MAP3K13: variants seen among roughly 807,000 people sequenced by gnomAD.
MAP3K13 encodes the protein leucine zipper-bearing kinase.
In MAP3K13, 52 loss-of-function variants were observed where a neutral mutation model predicts 104.0. The ratio of observed to expected loss-of-function variants is 0.50; its 90% CI spans 0.40 to 0.63. The LOEUF is 0.63. Ranked by LOEUF, MAP3K13 falls within the 20% of genes least tolerant of loss-of-function variation. The pLI, the probability that MAP3K13 is intolerant of heterozygous loss-of-function variation, is 0.00. For missense variants in MAP3K13, 914 were observed against 1,218.5 expected (o/e 0.75, Z 3.72); for synonymous variants, 394 against 442.2 (o/e 0.89, Z 1.37).
chr3:185,352,036 ATCAC>A (rs756594361), intron 2 of MAP3K13, among the ~76,000 whole-genome samples: 2 of 152,210 alleles, frequency 1.3e-5, no homozygotes, highest in East Asian at 1.9e-4. Flanking sequence ...AGTTGCAAAC[ATCAC>A]TCACTCACTC....
chr3:185,477,373 A>G lies in MAP3K13; in HGVS notation c.2478A>G (p.Glu826=). ...SEEEEGEVDS[E]VEFPRRQRPH... is the part of the protein sequence containing the mutation. ...AGGAAGAAGGGGAAGTAGATAGTGA[A>G]GTTGAATTTCCACGAAGACAGAGGT... The change falls in exon 12 of 14, where the codon GAA becomes GAG. Residue 826 remains glutamate (E), a synonymous_variant. Transcript: ENST00000265026. 6.2e-7 allele frequency: 1 copy of G among 1,613,072 alleles called. No individual in the cohort carries two copies. The highest frequency in any genetic ancestry group is 8.5e-7 in the Non-Finnish European group (1 of 1,179,010).
intron 4 of MAP3K13, among the ~76,000 whole-genome samples, chr3:185,444,000 T>G (rs1441093048): frequency 2.0e-5 from 3 of 152,206 alleles, no homozygotes; most frequent in Admixed American, 2.0e-4. Flanking sequence ...CTTTTTAAAC[T>G]GAGTTTCAGA....
intron 1 of MAP3K13, among the ~76,000 whole-genome samples, chr3:185,427,305 A>G (rs953105214): frequency 2.0e-5 from 3 of 151,384 alleles, no homozygotes; most frequent in Admixed American, 6.6e-5. Context: ...CGGAGGTTGC[A>G]GTGAGCCGAG....
At chr3:185,338,891 C>CA (rs1443550145) in intron 2 of MAP3K13, among the ~76,000 whole-genome samples, 1 of 151,522 alleles carries the variant, frequency 6.6e-6, no homozygotes, top group Non-Finnish European at 1.5e-5. Context: ...CTGTTTAAAG[C>CA]AAAAATAATA....
At chr3:185,462,787 A>G (rs964907662) in intron 7 of MAP3K13, among the ~76,000 whole-genome samples, 2 of 152,216 alleles carry the variant, frequency 1.3e-5, no homozygotes, top group African/African-American at 4.8e-5. Flanking sequence ...ATAATAATAA[A>G]TAAATAAACA....
chr3:185,376,670 A>G (rs1192443684), intron 1 of MAP3K13, among the ~76,000 whole-genome samples: 2 of 152,020 alleles, frequency 1.3e-5, no homozygotes, highest in Non-Finnish European at 1.5e-5. Context: ...GTGAGTTTAT[A>G]TAATGGTTTA....
chr3:185,353,809 G>A (rs1723236576), intron 2 of MAP3K13, among the ~76,000 whole-genome samples: 1 of 152,178 alleles, frequency 6.6e-6, no homozygotes, highest in Admixed American at 6.5e-5. Context: ...TGGGGGAATT[G>A]TCCCTGCTCT....
intron 2 of MAP3K13, among the ~76,000 whole-genome samples, chr3:185,325,498 C>T (rs964916851): frequency 2.0e-5 from 3 of 152,204 alleles, no homozygotes; most frequent in African/African-American, 7.2e-5. Context: ...TCACGTGTGT[C>T]GCTTTGCATC....
At chr3:185,444,335 C>CA (rs1275265807) in intron 4 of MAP3K13, among the ~76,000 whole-genome samples, 24 of 43,924 alleles carry the variant, frequency 5.5e-4, no homozygotes, top group African/African-American at 9.4e-4. Context: ...GACTCTGTCT[C>CA]AAAAAAAAAA....
chr3:185,424,280 A>AT (rs1714293661), intron 1 of MAP3K13, among the ~76,000 whole-genome samples: 2 of 152,192 alleles, frequency 1.3e-5, no homozygotes, highest in Non-Finnish European at 2.9e-5. Flanking sequence ...GGGATCAAAA[A>AT]CTTAGATCAA....
chr3:185,335,986 T>C (rs776962549), intron 2 of MAP3K13, among the ~76,000 whole-genome samples: 4 of 152,138 alleles, frequency 2.6e-5, no homozygotes, highest in Non-Finnish European at 4.4e-5. Context: ...TGACAGTCTT[T>C]ATGCATTCTA....
At chr3:185,379,371 A>G (rs1369148840) in intron 1 of MAP3K13, among the ~76,000 whole-genome samples, 1 of 152,216 alleles carries the variant, frequency 6.6e-6, no homozygotes, top group East Asian at 1.9e-4. Flanking sequence ...GAAGGGAGAG[A>G]TTGAAGGATG....
At position 185,451,383 on chromosome 3, in the gene MAP3K13, C is replaced by T. The variant is rs754880348; in HGVS notation, c.1266C>T (p.Tyr422=). The change falls in exon 7 of 14, where the codon TAC becomes TAT. Residue 422 remains tyrosine, a synonymous_variant. Coordinates refer to ENST00000265026, the MANE Select transcript of MAP3K13 (RefSeq NM_004721.5). ...ADVLATPQET[Y]FKSQAEWREE... is the part of the protein sequence containing the mutation. ...TACTTGCCACCCCACAAGAAACTTACTTCAAGTCTCAGGTAAGTTGGGAAA... is the reference window on the plus strand; with the variant it reads ...TACTTGCCACCCCACAAGAAACTTATTTCAAGTCTCAGGTAAGTTGGGAAA... 8 of 1,612,280 alleles carry T rather than the reference C, an allele frequency of 5.0e-6. No homozygotes were observed. The Admixed American group carries it at 1.2e-4, about 24-fold the overall frequency.
intron 7 of MAP3K13, among the ~76,000 whole-genome samples, chr3:185,455,151 GAT>G (rs1192894888): frequency 2.6e-4 from 13 of 49,562 alleles, no homozygotes; most frequent in Non-Finnish European, 4.1e-4. Context: ...ATATATGTGA[GAT>G]ATATATGATA....
intron 1 of MAP3K13, among the ~76,000 whole-genome samples, chr3:185,367,553 T>TA (rs1197168475): frequency 6.6e-6 from 1 of 152,196 alleles, no homozygotes; most frequent in Admixed American, 6.5e-5. Context: ...TGAAATATGT[T>TA]AAAGAGGAGG....
chr3:185,350,005 T>C (rs918486747), intron 2 of MAP3K13, among the ~76,000 whole-genome samples: 1 of 152,180 alleles, frequency 6.6e-6, no homozygotes, highest in Admixed American at 6.5e-5. Context: ...TTTAAAAGAT[T>C]AAAGCATCAA....
At chr3:185,392,231 T>C (rs1712104248) in intron 1 of MAP3K13, among the ~76,000 whole-genome samples, 1 of 152,186 alleles carries the variant, frequency 6.6e-6, no homozygotes, top group South Asian at 2.1e-4. Context: ...AACCTGAACA[T>C]GGCACCTGCC....
chr3:185,356,475 A>G (rs896150950), intron 2 of MAP3K13, among the ~76,000 whole-genome samples: 1 of 152,238 alleles, frequency 6.6e-6, no homozygotes, highest in East Asian at 1.9e-4. Context: ...GACTGAAGTT[A>G]GATGTCCAGT....
At chr3:185,477,505 T>C in intron 12 of MAP3K13, 109 bp downstream of exon 12, 3 of 792,374 alleles carry the variant, frequency 3.8e-6, no homozygotes, top group Admixed American at 2.1e-5. Flanking sequence ...AGCCACCTTA[T>C]AGGGAACTTT....
Sources: gnomAD v4.1 joint callset for allele counts (sites outside exome capture counted in the v4.1 genomes callset) on GRCh38, gnomAD v4.1.1 for gene constraint, MANE v1.5 for transcripts, NCBI Gene and HGNC (gene_info 2026-07-23, HGNC 2026-07-21) for gene names.